Variants in DMD observed in about 807,000 individuals in gnomAD.
DMD encodes mutant dystrophin.
In DMD, 63 loss-of-function variants were observed where a neutral mutation model predicts 330.1. The observed-to-expected ratio is 0.19, with a 90% CI of 0.16 to 0.24. The LOEUF (loss-of-function observed/expected upper bound fraction) is 0.24, where lower values mean the gene tolerates loss of function less well. Among genes scored for constraint, DMD ranks in the 10% least tolerant of loss-of-function variants. The pLI is 1.00. For synonymous variants in DMD, 1,223 were observed against 959.8 expected, an observed-to-expected ratio of 1.27 and a Z score of -5.07; for missense variants, 3,344 against 2,684.1, an observed-to-expected ratio of 1.25 and a Z score of -5.43.
intron 60 of DMD, among the ~76,000 whole-genome samples, chrX:31,351,002 C>T (rs1373977075): frequency 9.0e-6 from 1 of 110,881 alleles, no homozygotes; most frequent in Non-Finnish European, 1.9e-5. Context: ...ATCATCAACT[C>T]CCCTGGTTCT....
chrX:32,834,282 C>A (rs1054952596), intron 4 of DMD, among the ~76,000 whole-genome samples: 1 of 111,054 alleles, frequency 9.0e-6, no homozygotes, highest in African/African-American at 3.3e-5. Context: ...ACTTGTCTAA[C>A]AAATTAAATT....
chrX:31,703,253 T>C (rs1363629819), intron 52 of DMD, among the ~76,000 whole-genome samples: 2 of 112,641 alleles, frequency 1.8e-5, no homozygotes, highest in Non-Finnish European at 3.7e-5. Flanking sequence ...GTGGCCTTTG[T>C]CTACTTTTCT....
chrX:32,632,981 C>A (rs2058844892), intron 11 of DMD, among the ~76,000 whole-genome samples: 1 of 112,248 alleles, frequency 8.9e-6, no homozygotes, highest in South Asian at 3.6e-4. Context: ...CTTGAGTTCT[C>A]CTGAAAATGG....
intron 16 of DMD, among the ~76,000 whole-genome samples, chrX:32,557,798 G>A (rs1294347635): frequency 9.0e-6 from 1 of 110,939 alleles, no homozygotes; most frequent in African/African-American, 3.3e-5. Context: ...TAATCACAAG[G>A]ATGTAAAATG....
At chrX:33,163,153 A>G (rs1452756515) in intron 1 of DMD, among the ~76,000 whole-genome samples, 1 of 111,752 alleles carries the variant, frequency 8.9e-6, no homozygotes, top group Non-Finnish European at 1.9e-5. Context: ...AAACATTGTG[A>G]TATGTCAGGC....
intron 2 of DMD, among the ~76,000 whole-genome samples, chrX:32,940,783 A>G (rs760554076): frequency 4.8e-4 from 54 of 112,053 alleles, no homozygotes; most frequent in Non-Finnish European, 8.8e-4. Flanking sequence ...CAATTGGAGC[A>G]AAACCAAAAA....
intron 6 of DMD, among the ~76,000 whole-genome samples, chrX:32,810,168 A>C (rs1001067092): frequency 3.4e-4 from 38 of 110,826 alleles, no homozygotes; most frequent in African/African-American, 1.2e-3. Context: ...TACAACGTTT[A>C]TTTGTCAATT....
chrX:32,203,163 G>A (rs1348760003), intron 44 of DMD, among the ~76,000 whole-genome samples: 1 of 112,320 alleles, frequency 8.9e-6, no homozygotes, highest in Non-Finnish European at 1.9e-5. Context: ...CCAGACTGAG[G>A]TCATCTCTTC....
intron 33 of DMD, among the ~76,000 whole-genome samples, chrX:32,381,564 ATCT>A (rs1020775161): frequency 9.0e-5 from 10 of 111,634 alleles, no homozygotes; most frequent in African/African-American, 2.9e-4. Flanking sequence ...TTAAAGGCAA[ATCT>A]TCTTGCCTCA....
At chrX:31,483,140 A>G (rs778128939) in intron 57 of DMD, among the ~76,000 whole-genome samples, 2,494 of 96,262 alleles carry the variant, frequency 0.026, 67 homozygotes, top group African/African-American at 0.08. Context: ...TCCACCTCCC[A>G]GGTTCATGCC....
intron 44 of DMD, among the ~76,000 whole-genome samples, chrX:32,025,190 G>A (rs766340864): frequency 8.9e-6 from 1 of 111,877 alleles, no homozygotes; most frequent in South Asian, 3.7e-4. Flanking sequence ...TGGGTTGAGA[G>A]TACTATTAAA....
intron 41 of DMD, among the ~76,000 whole-genome samples, chrX:32,316,004 C>T (rs5972522): frequency 0.05 from 5,610 of 111,100 alleles, 352 homozygotes; most frequent in African/African-American, 0.17. Context: ...TGAAGAAGCT[C>T]TTATTAACCT....
chrX:33,321,119 T>C (rs1221980956), intron 1 of DMD, among the ~76,000 whole-genome samples: 1 of 111,684 alleles, frequency 9.0e-6, no homozygotes, highest in Non-Finnish European at 1.9e-5. Flanking sequence ...TCCTGTTAAA[T>C]GTGATATTTT....
At chrX:31,912,270 C>T (rs776182130) in intron 47 of DMD, among the ~76,000 whole-genome samples, 4 of 111,255 alleles carry the variant, frequency 3.6e-5, no homozygotes, top group Non-Finnish European at 1.9e-5. Flanking sequence ...CAGTGGTCAA[C>T]AGAAAGGGCC....
chrX:33,193,488 C>A (rs1266112208), intron 1 of DMD, among the ~76,000 whole-genome samples: 1 of 111,832 alleles, frequency 8.9e-6, no homozygotes, highest in African/African-American at 3.2e-5. Context: ...AGTGTATAGA[C>A]ACAATTTTAA....
In DMD at chrX:31,266,095, C is replaced by CACAG. The variant is rs750283124; in HGVS notation, c.9225-5083_9225-5080dup. Among the ~76,000 whole-genome samples, 108 of 94,067 alleles carry CACAG rather than the reference C, an allele frequency of 1.1e-3. 1 individual carries two copies. Among genetic ancestry groups the CACAG allele is most frequent in the Non-Finnish European group, 8.3e-4 (41 of 49,254 alleles). The allele number at this position is 94,067 out of a possible 115,157, so 81.7% of individuals were successfully genotyped here. A position where few individuals can be genotyped will look rare whatever the true frequency, so the allele number is the denominator to read the frequency against. ...GTGACAAACTTTGCTTGAAGATGAG[C>CACAG]ACAGACACCTGGAGAAATGCGAGAG... On this transcript the variant is annotated intron_variant, in intron 62 of 78. Transcript: ENST00000357033.
At chrX:32,996,814 CAA>C (rs765407106) in intron 2 of DMD, among the ~76,000 whole-genome samples, 1 of 81,764 alleles carries the variant, frequency 1.2e-5, no homozygotes, top group Non-Finnish European at 2.5e-5. Context: ...AAGACTGTTT[CAA>C]AAAAAAAAAA....
At chrX:32,412,299 T>C (rs2098146136) in intron 29 of DMD, 8 of 820,746 alleles carry the variant, frequency 9.7e-6, no homozygotes, top group Non-Finnish European at 8.2e-6. Context: ...GTCATCGTCA[T>C]CACAATCCAA....
At chrX:32,742,436 A>C (rs1213746273) in intron 7 of DMD, among the ~76,000 whole-genome samples, 1 of 111,594 alleles carries the variant, frequency 9.0e-6, no homozygotes, top group Non-Finnish European at 1.9e-5. Flanking sequence ...CAGCTGGTGG[A>C]AGTGAAAATA....
Sources: gnomAD v4.1 joint callset for allele counts (sites outside exome capture counted in the v4.1 genomes callset) on GRCh38, gnomAD v4.1.1 for gene constraint, MANE v1.5 for transcripts, NCBI Gene and HGNC (gene_info 2026-07-23, HGNC 2026-07-21) for gene names.